NXPE1: variants seen among roughly 807,000 people sequenced by gnomAD.
NXPE1 encodes the protein NXPE family member 1.
Under a neutral mutation model 33.3 loss-of-function variants are expected in NXPE1, and 31 were observed. That is an observed-to-expected ratio of 0.93 (90% CI 0.70 to 1.26). NXPE1 has a LOEUF of 1.26. Among genes scored for constraint, NXPE1 ranks in the 50% most tolerant of loss-of-function variants. The pLI, the probability that NXPE1 is intolerant of heterozygous loss-of-function variation, is 0.00. For missense variants in NXPE1, 661 were observed against 655.6 expected (o/e 1.01, Z -0.09); for synonymous variants, 229 against 231.4 (o/e 0.99, Z 0.09).
chr11:114,528,589 A>G (rs988530059), intron 6 of NXPE1, among the ~76,000 whole-genome samples: 1 of 152,220 alleles, frequency 6.6e-6, no homozygotes, highest in African/African-American at 2.4e-5. Context: ...AGTGACTGGC[A>G]GAAAGTAGTG....
intron 1 of NXPE1, among the ~76,000 whole-genome samples, chr11:114,558,614 G>A (rs1948710983): frequency 6.6e-6 from 1 of 152,162 alleles, no homozygotes; most frequent in South Asian, 2.1e-4. Context: ...ATGTTTAAAT[G>A]TGATGTATTA....
chr11:114,529,962 G>A (rs550517113), intron 6 of NXPE1: 9 of 512,868 alleles, frequency 1.8e-5, no homozygotes, highest in Admixed American at 3.7e-5. Context: ...ATAGAAGAAC[G>A]GTTATAGCAA....
At position 114,544,109 on chromosome 11, in the gene NXPE1, C is replaced by T. The variant is rs1591292221; in HGVS notation, c.99+6994G>A. Among the ~76,000 whole-genome samples, 3 of 152,210 alleles carry T rather than the reference C, an allele frequency of 2.0e-5. No homozygotes were observed. The South Asian group carries it at 6.2e-4, about 32-fold the overall frequency. ...AAATCTAAATAAATGGAGAGAGATT[C>T]CATGTTCATGGATTGGACAGACTAA... is the stretch of plus-strand genomic sequence containing the variant. On this transcript the variant is annotated intron_variant, in intron 5 of 8. Coordinates refer to ENST00000534921, the Ensembl canonical transcript of NXPE1.
intron 5 of NXPE1, among the ~76,000 whole-genome samples, chr11:114,542,987 G>A (rs1215345120): frequency 1.4e-4 from 21 of 152,160 alleles, no homozygotes; most frequent in Admixed American, 1.4e-3. Flanking sequence ...AGGTAAAGTG[G>A]CTTATGCCTA....
At chr11:114,557,670 TATAA>T (rs1288848232) in intron 1 of NXPE1, among the ~76,000 whole-genome samples, 108 of 123,020 alleles carry the variant, frequency 8.8e-4, no homozygotes, top group African/African-American at 2.9e-3. Context: ...TATATATATA[TATAA>T]AATCCTTGTT....
intron 1 of NXPE1, among the ~76,000 whole-genome samples, chr11:114,557,506 G>T (rs1948678937): frequency 6.6e-6 from 1 of 150,930 alleles, no homozygotes; most frequent in African/African-American, 2.4e-5. Context: ...GCCTAGGTTG[G>T]ACTGGAACTA....
At chr11:114,558,695 A>G (rs1037066511) in intron 1 of NXPE1, among the ~76,000 whole-genome samples, 29 of 152,216 alleles carry the variant, frequency 1.9e-4, no homozygotes, top group African/African-American at 6.5e-4. Flanking sequence ...CACAATATAG[A>G]TTGGATCTTT....
At position 114,522,265 on chromosome 11, in the gene NXPE1, A is replaced by C. The variant is rs747703983; in HGVS notation, c.1347T>G (p.Ile449Met). The stretch of plus-strand genomic sequence containing the variant: ...GAACACCGATGGCCCTGCGAATAAA[A>C]ATGTCAATGGGAAATGGTCTAAAGT... Residue 449 changes from isoleucine to methionine, a missense_variant, in exon 9 of 9, where the codon ATT (isoleucine) becomes ATG (methionine). Coordinates refer to ENST00000534921, the Ensembl canonical transcript of NXPE1. 7.4e-6 allele frequency: 12 copies of C among 1,613,944 alleles called. No individual in the cohort carries two copies. The South Asian group carries it at 1.2e-4, about 16-fold the overall frequency.
At chr11:114,536,420 A>G (rs1292066819) in intron 5 of NXPE1, among the ~76,000 whole-genome samples, 1 of 152,244 alleles carries the variant, frequency 6.6e-6, no homozygotes, top group Non-Finnish European at 1.5e-5. Flanking sequence ...GAAGGCAAGA[A>G]ATAACTAAGA....
chr11:114,530,126 G>A, intron 6 of NXPE1, 49 bp downstream of exon 6: 1 of 1,530,242 alleles, frequency 6.5e-7, no homozygotes, highest in Non-Finnish European at 8.8e-7. Context: ...GCTCTGACTG[G>A]GGCACTTCTC....
chr11:114,522,669 T>A (rs188235302), intron 8 of NXPE1, among the ~76,000 whole-genome samples, 166 bp from the exon 9 acceptor site: 1 of 152,206 alleles, frequency 6.6e-6, no homozygotes, highest in East Asian at 1.9e-4. Flanking sequence ...AAAATGTCAA[T>A]CAAAAATGTA....
intron 5 of NXPE1, among the ~76,000 whole-genome samples, chr11:114,548,430 C>A (rs913362411): frequency 6.6e-6 from 1 of 151,834 alleles, no homozygotes; most frequent in African/African-American, 2.4e-5. Context: ...ATGAAGAAAA[C>A]CTCAATAAAT....
chr11:114,545,543 A>G (rs1363455554), intron 5 of NXPE1, among the ~76,000 whole-genome samples: 1 of 152,176 alleles, frequency 6.6e-6, no homozygotes, highest in Non-Finnish European at 1.5e-5. Context: ...AAACCAATCA[A>G]TGGTTGCCAG....
At chr11:114,525,385 A>G (rs767898206) in intron 7 of NXPE1, among the ~76,000 whole-genome samples, 15 of 152,078 alleles carry the variant, frequency 9.9e-5, no homozygotes, top group Non-Finnish European at 2.2e-4. Context: ...ATATAAAAAG[A>G]AAAACAAGTT....
chr11:114,524,400 A>G (rs1205506681), intron 7 of NXPE1, among the ~76,000 whole-genome samples: 1 of 152,220 alleles, frequency 6.6e-6, no homozygotes, highest in Non-Finnish European at 1.5e-5. Context: ...TCCACAGAAT[A>G]GTGCATCATT....
chr11:114,546,895 A>G (rs1364641859), intron 5 of NXPE1, among the ~76,000 whole-genome samples: 1 of 152,224 alleles, frequency 6.6e-6, no homozygotes, highest in East Asian at 1.9e-4. Flanking sequence ...TTGAGTAACA[A>G]AATAATGTAC....
chr11:114,530,646 A>G (rs556980570), exon 6 of NXPE1: 1 of 1,614,176 alleles, frequency 6.2e-7, no homozygotes, highest in East Asian at 2.2e-5. Context: ...CACCTCCAGT[A>G]GGATGTCCAG....
intron 5 of NXPE1, among the ~76,000 whole-genome samples, chr11:114,536,564 A>C: frequency 6.6e-6 from 1 of 152,188 alleles, no homozygotes; most frequent in Non-Finnish European, 1.5e-5. Context: ...AAGAGAGAAG[A>C]ATCAAATAGA....
intron 5 of NXPE1, among the ~76,000 whole-genome samples, chr11:114,549,765 G>C (rs951710302): frequency 6.6e-6 from 1 of 152,026 alleles, no homozygotes; most frequent in Non-Finnish European, 1.5e-5. Context: ...CGAGACACTG[G>C]AATTGAAAAG....
Sources: gnomAD v4.1 joint callset for allele counts (sites outside exome capture counted in the v4.1 genomes callset) on GRCh38, gnomAD v4.1.1 for gene constraint, MANE v1.5 for transcripts, NCBI Gene and HGNC (gene_info 2026-07-23, HGNC 2026-07-21) for gene names.